Variants in PLXNA4 observed in about 807,000 individuals in gnomAD.
PLXNA4 encodes plexin-A4.
In PLXNA4, 44 loss-of-function variants were observed where a neutral mutation model predicts 191.8. That is an observed-to-expected ratio of 0.23 (90% CI 0.18 to 0.29). The LOEUF (loss-of-function observed/expected upper bound fraction) is 0.29, where lower values mean the gene tolerates loss of function less well. Among genes scored for constraint, PLXNA4 ranks in the 10% least tolerant of loss-of-function variants. The pLI, the probability that PLXNA4 is intolerant of heterozygous loss-of-function variation, is 1.00. For synonymous variants in PLXNA4, 1,082 were observed against 1,009.5 expected, an observed-to-expected ratio of 1.07 and a Z score of -1.36; for missense variants, 1,800 against 2,488.8, an observed-to-expected ratio of 0.72 and a Z score of 5.89.
intron 30 of PLXNA4, among the ~76,000 whole-genome samples, chr7:132,135,776 C>T (rs1343571768): frequency 6.6e-6 from 1 of 152,120 alleles, no homozygotes; most frequent in African/African-American, 2.4e-5. Context: ...TCCTGGGTGA[C>T]GTGCCTCTCC....
intron 2 of PLXNA4, among the ~76,000 whole-genome samples, chr7:132,633,835 C>T (rs1424468141): frequency 3.9e-5 from 6 of 152,106 alleles, no homozygotes; most frequent in Non-Finnish European, 1.5e-5. Flanking sequence ...GAAATGCAAA[C>T]CTGTGATTCG....
rs76035238 is a variant in PLXNA4 at position 132,165,335 on chromosome 7, C to T, written c.4287-135G>A. 2.8e-4 allele frequency: 364 copies of T among 1,307,616 alleles called. 3 individuals are homozygous for T. The East Asian group carries it at 9.1e-3, about 33-fold the overall frequency. The allele number at this position is 1,307,616 out of a possible 1,614,324, so 81.0% of individuals were successfully genotyped here. On this transcript the variant is annotated intron_variant, in intron 22 of 31. Transcript: ENST00000321063. ...CTTCTAGCGTTTAGGCCAAACCTTG[C>T]GATCCTAATGAATATGAGAGTTTCA...
intron 2 of PLXNA4, among the ~76,000 whole-genome samples, chr7:132,494,240 G>A (rs1349888566): frequency 6.6e-6 from 1 of 152,166 alleles, no homozygotes; most frequent in Non-Finnish European, 1.5e-5. Context: ...ATAGACATTT[G>A]GTCACAAAGC....
At chr7:132,218,159 G>A (rs577097566) in intron 9 of PLXNA4, among the ~76,000 whole-genome samples, 2 of 152,158 alleles carry the variant, frequency 1.3e-5, no homozygotes, top group African/African-American at 2.4e-5. Context: ...TCTCGGCCTT[G>A]CCGGCTCTTC....
At chr7:132,246,857 C>T (rs140131591) in intron 4 of PLXNA4, among the ~76,000 whole-genome samples, 11 of 152,160 alleles carry the variant, frequency 7.2e-5, no homozygotes, top group African/African-American at 1.9e-4. Context: ...GTTCCAAAGG[C>T]CACAAATTTA....
At chr7:132,246,220 G>A (rs62464992) in intron 4 of PLXNA4, among the ~76,000 whole-genome samples, 7,529 of 152,244 alleles carry the variant, frequency 0.049, 234 homozygotes, top group Non-Finnish European at 0.059. Context: ...AAAGGGGAAC[G>A]GCTTTTGCTG....
chr7:132,389,704 T>G (rs1187622469), intron 3 of PLXNA4, among the ~76,000 whole-genome samples: 1 of 152,246 alleles, frequency 6.6e-6, no homozygotes, highest in African/African-American at 2.4e-5. Flanking sequence ...GGTAGTGTGA[T>G]GCCTCCAGCT....
intron 2 of PLXNA4, among the ~76,000 whole-genome samples, chr7:132,615,824 C>T (rs1384820390): frequency 6.6e-6 from 1 of 152,050 alleles, no homozygotes; most frequent in African/African-American, 2.4e-5. Flanking sequence ...CACATGCATT[C>T]ATTCGCTCCT....
chr7:132,419,825 C>T (rs555447898), intron 3 of PLXNA4, among the ~76,000 whole-genome samples: 8 of 152,330 alleles, frequency 5.3e-5, no homozygotes, highest in Middle Eastern at 3.4e-3. Context: ...AATACATAAA[C>T]AAATGAATGT....
chr7:132,557,937 G>A (rs1011652707), intron 1 of PLXNA4, among the ~76,000 whole-genome samples: 10 of 152,194 alleles, frequency 6.6e-5, no homozygotes, highest in African/African-American at 2.4e-4. Context: ...GGGAGAGAGA[G>A]AGAGAGAGAG....
At chr7:132,310,000 A>T (rs1319184513) in intron 3 of PLXNA4, among the ~76,000 whole-genome samples, 1 of 152,130 alleles carries the variant, frequency 6.6e-6, no homozygotes, top group South Asian at 2.1e-4. Flanking sequence ...CTCCCTTATA[A>T]GCTATAGGGT....
chr7:132,288,082 G>A (rs150462244), intron 4 of PLXNA4, among the ~76,000 whole-genome samples: 1,807 of 152,272 alleles, frequency 0.012, 30 homozygotes, highest in African/African-American at 0.042. Context: ...GGAGGAGGGG[G>A]CTGGGAAAGG....
intron 3 of PLXNA4, among the ~76,000 whole-genome samples, chr7:132,392,480 G>T (rs573604331): frequency 1.3e-5 from 2 of 152,308 alleles, no homozygotes; most frequent in African/African-American, 4.8e-5. Context: ...GCCACTCCCT[G>T]AGTTTCCCAG....
chr7:132,390,152 G>T (rs943861092), intron 3 of PLXNA4, among the ~76,000 whole-genome samples: 1 of 152,170 alleles, frequency 6.6e-6, no homozygotes, highest in Admixed American at 6.5e-5. Flanking sequence ...CAATAGCAAA[G>T]ACTTGGAACT....
At chr7:132,238,110 G>A (rs150210702) in intron 5 of PLXNA4, among the ~76,000 whole-genome samples, 133 of 152,324 alleles carry the variant, frequency 8.7e-4, no homozygotes, top group African/African-American at 3.1e-3. Context: ...GCCATGGTGT[G>A]CCTTATGGAG....
intron 3 of PLXNA4, among the ~76,000 whole-genome samples, chr7:132,313,956 C>T (rs754509047): frequency 6.6e-6 from 1 of 152,146 alleles, no homozygotes; most frequent in African/African-American, 2.4e-5. Context: ...CTTCCCTTCA[C>T]GTTGCCCCCA....
intron 3 of PLXNA4, among the ~76,000 whole-genome samples, chr7:132,409,335 AC>A (rs1396214290): frequency 6.6e-6 from 1 of 151,760 alleles, no homozygotes; most frequent in Admixed American, 6.6e-5. Context: ...ATGTCCTATA[AC>A]CCCCTATGGC....
At chr7:132,543,991 TG>T (rs1206358467) in intron 1 of PLXNA4, among the ~76,000 whole-genome samples, 1 of 152,084 alleles carries the variant, frequency 6.6e-6, no homozygotes, top group Non-Finnish European at 1.5e-5. Context: ...AACTAGAAGA[TG>T]GTAACAGAAA....
chr7:132,214,416 C>T (rs1472271290), intron 9 of PLXNA4, among the ~76,000 whole-genome samples: 1 of 152,102 alleles, frequency 6.6e-6, no homozygotes, highest in Non-Finnish European at 1.5e-5. Flanking sequence ...ACTGGAGAGG[C>T]CCAGGGCTGG....
Sources: gnomAD v4.1 joint callset for allele counts (sites outside exome capture counted in the v4.1 genomes callset) on GRCh38, gnomAD v4.1.1 for gene constraint, MANE v1.5 for transcripts, NCBI Gene and HGNC (gene_info 2026-07-23, HGNC 2026-07-21) for gene names.